The following ATP6V1H variants were observed in gnomAD, a reference collection of about 807,000 sequenced individuals.
ATP6V1H encodes the protein ATPase H+ transporting V1 subunit H, also known as V-type proton ATPase subunit H.
A neutral mutation model predicts 71.7 loss-of-function variants in ATP6V1H; 39 were observed. That is an observed-to-expected ratio of 0.54 (90% CI 0.42 to 0.71). The LOEUF (loss-of-function observed/expected upper bound fraction) is 0.71. Among genes scored for constraint, ATP6V1H ranks in the 30% least tolerant of loss-of-function variants. The pLI is 0.00. For missense variants in ATP6V1H, 509 were observed against 594.9 expected (o/e 0.86, Z 1.50); for synonymous variants, 192 against 199.3 (o/e 0.96, Z 0.31).
At chr8:53,769,814 A>AGTGAAGACATTTTATTT in intron 10 of ATP6V1H, 71 bp from the exon 11 acceptor site, 2 of 1,320,094 alleles carry the variant, frequency 1.5e-6, no homozygotes. Context: ...GCAAAATAAA[A>AGTGAAGACATTTTATTT]TGTCTTCACT....
intron 2 of ATP6V1H, among the ~76,000 whole-genome samples, chr8:53,833,966 T>C (rs982500788): frequency 6.6e-6 from 1 of 152,136 alleles, no homozygotes; most frequent in Non-Finnish European, 1.5e-5. Flanking sequence ...CAGCTCAACC[T>C]TCCCAACTTC....
rs148958907 is a variant in ATP6V1H, at chr8:53,749,934, G to A, written c.1278-6244C>T. Among the ~76,000 whole-genome samples, 1,401 of 152,214 alleles carry A rather than the reference G, an allele frequency of 9.2e-3. 11 individuals carry two copies. Among genetic ancestry groups the A allele is most frequent in the Middle Eastern group, 0.017 (5 of 294 alleles). ...ATTAATCATCAGGGTGTGATTTCTG[G>A]ACTTCTATCAGGGGCCACAGGTGTT... On this transcript the variant is annotated intron_variant, in intron 12 of 13. Transcript: ENST00000359530.
Position 53,769,671 on chromosome 8 carries a change from T to C in ATP6V1H, c.1122A>G (p.Lys374=). The change falls in exon 11 of 14, where the codon AAA becomes AAG. Residue 374 remains lysine (K), a synonymous_variant. Transcript: ENST00000359530. ...ACCTCACAGCATTCTCTCTCCAAAA[T>C]TTCTCAGATTTGTGCACAGGACTCC... is the stretch of plus-strand genomic sequence containing the variant. ...LEWSPVHKSE[K]FWRENAVRLN... 1 of 1,613,210 alleles carries C rather than the reference T, an allele frequency of 6.2e-7. No individual in the cohort carries two copies. Among genetic ancestry groups the C allele is most frequent in the Non-Finnish European group, 8.5e-7 (1 of 1,179,368 alleles).
At chr8:53,841,279 C>T (rs1028129304) in intron 2 of ATP6V1H, among the ~76,000 whole-genome samples, 1 of 152,180 alleles carries the variant, frequency 6.6e-6, no homozygotes, top group African/African-American at 2.4e-5. Flanking sequence ...CATCCCCTTC[C>T]TCCCTCCGTT....
At chr8:53,792,016 A>C (rs1260035455) in intron 9 of ATP6V1H, among the ~76,000 whole-genome samples, 1 of 152,232 alleles carries the variant, frequency 6.6e-6, no homozygotes, top group Non-Finnish European at 1.5e-5. Flanking sequence ...TGAAGCACTT[A>C]AGTAGAAGAA....
chr8:53,728,351 G>T (rs1806890050), intron 13 of ATP6V1H, among the ~76,000 whole-genome samples: 1 of 152,172 alleles, frequency 6.6e-6, no homozygotes, highest in African/African-American at 2.4e-5. Context: ...TGTGCTGAGT[G>T]TGAAACACTT....
chr8:53,772,233 G>A lies in ATP6V1H; in HGVS notation c.871-66C>T, dbSNP rs553109634. On this transcript the variant is annotated intron_variant, in intron 9 of 13. Transcript: ENST00000359530. ...TCATGTGATGGATTCAGAGACCTCT[G>A]CACATTCTTTTATAGTCTCTCTCCT... is the stretch of plus-strand genomic sequence containing the variant. 5 of 1,282,430 alleles carry A rather than the reference G, an allele frequency of 3.9e-6. No individual in the cohort carries two copies. In the African/African-American group the frequency reaches 4.5e-5, roughly 12 times the overall value. 79.4% of individuals were successfully genotyped at this position (1,282,430 alleles called of 1,614,324 possible).
At chr8:53,789,596 T>G (rs1055082016) in intron 9 of ATP6V1H, among the ~76,000 whole-genome samples, 12 of 152,220 alleles carry the variant, frequency 7.9e-5, no homozygotes, top group Middle Eastern at 6.8e-3. Context: ...GAGGAAAAGA[T>G]ATAAGGGAAA....
chr8:53,718,696 C>T (rs1214954955), intron 13 of ATP6V1H, among the ~76,000 whole-genome samples: 1 of 152,166 alleles, frequency 6.6e-6, no homozygotes, highest in Non-Finnish European at 1.5e-5. Context: ...GCCAGGCTCA[C>T]TCTCGTTTAT....
intron 3 of ATP6V1H, among the ~76,000 whole-genome samples, chr8:53,829,987 T>G (rs940664839): frequency 2.6e-5 from 4 of 152,144 alleles, no homozygotes; most frequent in Non-Finnish European, 4.4e-5. Flanking sequence ...CTCTCCATAA[T>G]TCAATAAAAA....
chr8:53,812,110 A>G (rs1472044785), intron 6 of ATP6V1H, among the ~76,000 whole-genome samples: 2 of 152,154 alleles, frequency 1.3e-5, no homozygotes, highest in Admixed American at 6.5e-5. Context: ...AAGAGTCTGA[A>G]TTTTAATCAT....
At chr8:53,820,451 A>G (rs186212293) in intron 4 of ATP6V1H, among the ~76,000 whole-genome samples, 2 of 152,000 alleles carry the variant, frequency 1.3e-5, no homozygotes, top group Admixed American at 1.3e-4. Flanking sequence ...AAAGTCATCT[A>G]TTAAAGAAAC....
At chr8:53,765,124 C>A (rs138650566) in intron 11 of ATP6V1H, among the ~76,000 whole-genome samples, 858 of 152,096 alleles carry the variant, frequency 5.6e-3, no homozygotes, top group South Asian at 0.015. Context: ...CGGGGGAAGG[C>A]CAGGCATGGT....
intron 2 of ATP6V1H, among the ~76,000 whole-genome samples, chr8:53,837,686 G>A (rs1202019127): frequency 6.6e-6 from 1 of 152,110 alleles, no homozygotes; most frequent in Non-Finnish European, 1.5e-5. Context: ...GTGAGCGAGG[G>A]GGCATGATCA....
chr8:53,750,325 G>A (rs1207679625), intron 12 of ATP6V1H, among the ~76,000 whole-genome samples: 2 of 152,094 alleles, frequency 1.3e-5, no homozygotes, highest in East Asian at 1.9e-4. Flanking sequence ...AGGGTTCCAC[G>A]TTAAAAACTA....
At position 53,762,828 on chromosome 8, in the gene ATP6V1H, A is replaced by G. The variant is rs954090707; in HGVS notation, c.1176-6172T>C. 1.4e-4 allele frequency among the ~76,000 whole-genome samples: 21 copies of G among 150,422 alleles called. No homozygotes were observed. In the East Asian group the frequency reaches 4.4e-3, roughly 32 times the overall value. ...ATCTGAACTGCACAGGTCCACTTAC[A>G]CATGGATTTTCTTACACCCATTTGC... On this transcript the variant is annotated intron_variant, in intron 11 of 13. Coordinates refer to ENST00000359530, the MANE Select transcript of ATP6V1H (RefSeq NM_015941.4).
chr8:53,832,965 TATA>T lies in ATP6V1H; in HGVS notation c.216+16_216+18del. On this transcript the variant is annotated intron_variant, in intron 3 of 13. Coordinates refer to ENST00000359530, the MANE Select transcript of ATP6V1H (RefSeq NM_015941.4). ...GGATGACACGGGGAAGTGTTCATTA[TATA>T]ATGTTTATTCATCACCTGGCTGCCT... 6.5e-7 allele frequency: 1 copy of T among 1,542,310 alleles called. No individual in the cohort carries two copies. Among genetic ancestry groups the T allele is most frequent in the Non-Finnish European group, 9.0e-7 (1 of 1,116,548 alleles).
chr8:53,719,419 T>C (rs182877397), intron 13 of ATP6V1H, among the ~76,000 whole-genome samples: 31 of 152,362 alleles, frequency 2.0e-4, no homozygotes, highest in Admixed American at 1.3e-4. Context: ...TCTGCCTGCC[T>C]TGGCCTCCCA....
intron 11 of ATP6V1H, among the ~76,000 whole-genome samples, chr8:53,762,072 C>T (rs577913158): frequency 4.5e-4 from 68 of 152,254 alleles, no homozygotes; most frequent in Non-Finnish European, 8.2e-4. Flanking sequence ...CCATTAGCCA[C>T]ATGTGGTTTG....
Sources: gnomAD v4.1 joint callset for allele counts (sites outside exome capture counted in the v4.1 genomes callset) on GRCh38, gnomAD v4.1.1 for gene constraint, MANE v1.5 for transcripts, NCBI Gene and HGNC (gene_info 2026-07-23, HGNC 2026-07-21) for gene names.